The following SBF1 variants were observed in gnomAD, a reference collection of about 807,000 sequenced individuals.
SBF1 encodes SET binding factor 1.
A neutral mutation model predicts 215.8 loss-of-function variants in SBF1; 65 were observed. The ratio of observed to expected loss-of-function variants is 0.30; its 90% CI spans 0.25 to 0.37. SBF1 has a LOEUF of 0.37. SBF1 is among the 10% of genes least tolerant of loss of function. SBF1 has a pLI of 1.00. For missense variants in SBF1, 2,634 were observed against 2,667.8 expected (o/e 0.99, Z 0.28); for synonymous variants, 1,410 against 1,122.8 (o/e 1.26, Z -5.11).
intron 15 of SBF1, 70 bp from the exon 16 acceptor site, chr22:50,463,502 G>T: frequency 6.8e-7 from 1 of 1,461,256 alleles, no homozygotes. Flanking sequence ...GGCAGGGAGG[G>T]CAGCAGGTGT....
Position 50,462,015 on chromosome 22 carries a change from A to G in SBF1, c.2501T>C (p.Val834Ala), listed in dbSNP as rs1228220637. 6.2e-7 allele frequency: 1 copy of G among 1,614,210 alleles called. No individual in the cohort carries two copies. The highest frequency in any genetic ancestry group is 8.5e-7 in the Non-Finnish European group (1 of 1,180,034). The stretch of plus-strand genomic sequence containing the variant: ...CCCACTCTCCGTGCAGACCTTGTCC[A>G]CAAAGCGGTTGATGAAGCGGACCAC... ...GAVVRFINRF[V>A]DKVCTESGVT... is the part of the protein sequence containing the mutation. Residue 834 changes from valine (V) to alanine (A), a missense_variant, in exon 20 of 41, where the codon GTG (valine) becomes GCG (alanine). Transcript: ENST00000380817.
intron 39 of SBF1, 31 bp downstream of exon 39, chr22:50,447,491 C>CCGGGG: frequency 1.2e-6 from 2 of 1,609,478 alleles, no homozygotes; most frequent in Non-Finnish European, 1.7e-6. Flanking sequence ...CCCCCTCCCC[C>CCGGGG]GTGAGTCCCC....
At position 50,446,039 on chromosome 22, in the gene SBF1, A is replaced by G. The variant is rs1423669922; in HGVS notation, c.*1103T>C. The G allele has an allele frequency of 2.0e-5, 3 of 153,404 alleles. No individual in the cohort carries two copies. The highest frequency in any genetic ancestry group is 4.3e-5 in the Non-Finnish European group (3 of 69,090). 9.5% of individuals were successfully genotyped at this position (153,404 alleles called of 1,614,324 possible). The stretch of plus-strand genomic sequence containing the variant: ...TTCTCTTGGCCTTTGCAGCGTCTAT[A>G]ACCCTCCCCACCTTCTGCTCCTGCA... On this transcript the variant is annotated 3_prime_UTR_variant, in exon 41 of 41. Coordinates refer to ENST00000380817, the MANE Select transcript of SBF1 (RefSeq NM_002972.4).
At chr22:50,448,786 G>T (rs1040810311) in intron 36 of SBF1, 136 bp from the exon 37 acceptor site, 11 of 648,068 alleles carry the variant, frequency 1.7e-5, no homozygotes, top group African/African-American at 3.6e-5. Flanking sequence ...GGGGGAGGTG[G>T]CAAGAGGGAG....
In SBF1 at chr22:50,459,341, GC is replaced by G; in HGVS notation, c.3739del (p.Ala1247LeufsTer78). 6.2e-7 allele frequency: 1 copy of G among 1,612,882 alleles called. No homozygotes were observed. Among genetic ancestry groups the G allele is most frequent in the Non-Finnish European group, 8.5e-7 (1 of 1,179,662 alleles). On this transcript the variant is annotated frameshift_variant, in exon 28 of 41. Transcript: ENST00000380817. LOFTEE classifies it high-confidence loss of function. ...GTAGCGGGGCATGGAGCTGACCACAGCCTGCAGGTACTTCTCCTGCTCCAGG... is the reference window on the plus strand; with the variant it reads ...GTAGCGGGGCATGGAGCTGACCACAGCTGCAGGTACTTCTCCTGCTCCAGG... ...SSLEQEKYLQ[A>X]VVSSMPRYAD...
chr22:50,455,547 C>T lies in SBF1; in HGVS notation c.4302G>A (p.Val1434=). 2 of 1,593,248 alleles carry T rather than the reference C, an allele frequency of 1.3e-6. No individual in the cohort carries two copies. The highest frequency in any genetic ancestry group is 1.7e-6 in the Non-Finnish European group (2 of 1,170,144). ...CGGAGGAGCCTGAATCCAGGAGCTC[C>T]ACCACCAGCACAGACACCTGCAGCA... ...HKLLQVSVLV[V]ELLDSGSSVL... is the part of the protein sequence containing the mutation. The change falls in exon 32 of 41, where the codon GTG becomes GTA. Residue 1434 remains valine, a synonymous_variant. Transcript: ENST00000380817.
At chr22:50,466,563 C>A in intron 6 of SBF1, 42 bp downstream of exon 6, 2 of 1,530,628 alleles carry the variant, frequency 1.3e-6, no homozygotes, top group South Asian at 1.2e-5. Context: ...AACTACCAGT[C>A]CCCGAGGGGA....
intron 10 of SBF1, 49 bp downstream of exon 10, chr22:50,465,714 G>A: frequency 2.6e-6 from 4 of 1,514,600 alleles, no homozygotes; most frequent in Non-Finnish European, 3.6e-6. Flanking sequence ...CTGAGTGGGG[G>A]CAGCCTAAGT....
At position 50,460,857 on chromosome 22, in the gene SBF1, G is replaced by A. The variant is rs576174580; in HGVS notation, c.2968-145C>T. 8.2e-5 allele frequency: 79 copies of A among 967,110 alleles called. 4 individuals carry two copies. The South Asian group carries it at 9.4e-4, about 12-fold the overall frequency. 59.9% of individuals were successfully genotyped at this position (967,110 alleles called of 1,614,324 possible). ...GCAAAGGCCTGTATCTGTGTCACAC[G>A]AAGGCAAGCGCTTGTGTAAACTCGA... is the stretch of plus-strand genomic sequence containing the variant. On this transcript the variant is annotated intron_variant, in intron 23 of 40. Coordinates refer to ENST00000380817, the MANE Select transcript of SBF1 (RefSeq NM_002972.4).
rs535052438 is a variant in SBF1 at position 50,461,149 on chromosome 22, C to T, written c.2967+10G>A. 167 of 1,587,370 alleles carry T rather than the reference C, an allele frequency of 1.1e-4. 1 individual carries two copies. The highest frequency in any genetic ancestry group is 7.1e-4 in the South Asian group (64 of 89,644). Reference sequence around the variant, plus strand: ...GGGGATGAGAGCCCCACCCGCGCACCGCGCCCCACCTGGAATGTGCAGGAG... The same window carrying T: ...GGGGATGAGAGCCCCACCCGCGCACTGCGCCCCACCTGGAATGTGCAGGAG... On this transcript the variant is annotated intron_variant, in intron 23 of 40. Coordinates refer to ENST00000380817, the MANE Select transcript of SBF1 (RefSeq NM_002972.4).
intron 38 of SBF1, 21 bp from the exon 39 acceptor site, chr22:50,447,630 G>T: frequency 6.4e-7 from 1 of 1,574,650 alleles, no homozygotes; most frequent in Non-Finnish European, 8.7e-7. Flanking sequence ...AGCAGAACCA[G>T]GGCCAGGCTG....
Position 50,464,450 on chromosome 22 carries a change from A to T in SBF1, c.1637-9T>A. The T allele has an allele frequency of 6.2e-7, 1 of 1,612,012 alleles. No individual in the cohort carries two copies. Among genetic ancestry groups the T allele is most frequent in the African/African-American group, 1.3e-5 (1 of 75,044 alleles). On this transcript the variant is annotated splice_polypyrimidine_tract_variant and intron_variant, in intron 14 of 40. Coordinates refer to ENST00000380817, the MANE Select transcript of SBF1 (RefSeq NM_002972.4). ...CCGCTCCAGTATGGCAGCTGCGGGG[A>T]CAGAATACACACACTCGGACCCCTG...
chr22:50,469,994 C>T (rs1022715758), intron 1 of SBF1, among the ~76,000 whole-genome samples: 1 of 152,138 alleles, frequency 6.6e-6, no homozygotes, highest in Admixed American at 6.5e-5. Context: ...TCCTGCTCCC[C>T]TCCCCCTCCC....
intron 10 of SBF1, 84 bp downstream of exon 10, chr22:50,465,679 G>T: frequency 7.7e-7 from 1 of 1,293,598 alleles, no homozygotes; most frequent in Non-Finnish European, 1.1e-6. Context: ...TGGGGGTGGG[G>T]CCCTGTGTGT....
At chr22:50,459,737 C>A in intron 26 of SBF1, 71 bp from the exon 27 acceptor site, 4 of 1,464,862 alleles carry the variant, frequency 2.7e-6, no homozygotes, top group Non-Finnish European at 3.6e-6. Flanking sequence ...CCAAGCAGGG[C>A]AAGAGGAGCC....
chr22:50,456,990 C>T (rs2067279600), intron 29 of SBF1, 44 bp downstream of exon 29: 1 of 1,378,488 alleles, frequency 7.3e-7, no homozygotes, highest in African/African-American at 1.5e-5. Flanking sequence ...AGGCCGCCAG[C>T]ACCAAGTAAG....
chr22:50,457,141 C>A (rs1437291551), intron 28 of SBF1, 30 bp from the exon 29 acceptor site: 6 of 1,446,476 alleles, frequency 4.1e-6, no homozygotes, highest in Non-Finnish European at 5.4e-6. Flanking sequence ...AAGGCTCAGG[C>A]CTAGCCCCAG....
chr22:50,456,954 G>A, intron 29 of SBF1, 80 bp downstream of exon 29: 1 of 1,174,924 alleles, frequency 8.5e-7, no homozygotes, highest in Non-Finnish European at 1.1e-6. Context: ...AGACATTAGT[G>A]CCCGCAATAA....
At chr22:50,458,149 A>G (rs1353791393) in intron 28 of SBF1, among the ~76,000 whole-genome samples, 2 of 152,038 alleles carry the variant, frequency 1.3e-5, no homozygotes, top group East Asian at 1.9e-4. Flanking sequence ...AATACAATAC[A>G]AAAAAATCAG....
Sources: allele counts gnomAD v4.1 joint callset (sites outside exome capture counted in the v4.1 genomes callset), GRCh38; gene constraint gnomAD v4.1.1; transcripts MANE v1.5; gene names NCBI Gene and HGNC (gene_info 2026-07-23, HGNC 2026-07-21).